Variants in MEP1A observed in about 807,000 individuals in gnomAD.
MEP1A encodes meprin A subunit alpha.
In MEP1A, 68 loss-of-function variants were observed where a neutral mutation model predicts 84.5. The ratio of observed to expected loss-of-function variants is 0.80; its 90% confidence interval spans 0.66 to 0.98. The LOEUF (loss-of-function observed/expected upper bound fraction) is 0.98, where lower values mean the gene tolerates loss of function less well. Ranked by LOEUF, MEP1A falls within the 50% of genes least tolerant of loss-of-function variation. The pLI is 0.00. For synonymous variants in MEP1A, 337 were observed against 336.8 expected (o/e 1.00, Z -0.01); for missense variants, 887 against 919.9 (o/e 0.96, Z 0.46).
At chr6:46,830,344 A>T (rs1357175779) in intron 10 of MEP1A, among the ~76,000 whole-genome samples, 1 of 151,960 alleles carries the variant, frequency 6.6e-6, no homozygotes, top group African/African-American at 2.4e-5. Flanking sequence ...AATATGCTGA[A>T]GTAACTTGAA....
intron 7 of MEP1A, among the ~76,000 whole-genome samples, chr6:46,824,893 T>TTA (rs1207625916): frequency 7.6e-5 from 4 of 52,292 alleles, no homozygotes; most frequent in Non-Finnish European, 8.6e-5. Flanking sequence ...TATATATAAA[T>TTA]TATATATATA....
chr6:46,809,589 A>T, intron 6 of MEP1A, 52 bp downstream of exon 6: 1 of 1,237,844 alleles, frequency 8.1e-7, no homozygotes, highest in Non-Finnish European at 1.2e-6. Flanking sequence ...GGTTCGTAAG[A>T]AGTATTCTTT....
intron 5 of MEP1A, among the ~76,000 whole-genome samples, chr6:46,805,848 C>G (rs1427279578): frequency 6.6e-6 from 1 of 151,890 alleles, no homozygotes; most frequent in Non-Finnish European, 1.5e-5. Flanking sequence ...ATTATTTGCT[C>G]AAATATTTTT....
chr6:46,799,203 T>A, intron 5 of MEP1A, 22 bp downstream of exon 5: 1 of 1,525,962 alleles, frequency 6.6e-7, no homozygotes. Context: ...TGTTCTTAAT[T>A]AGGAAGTTTC....
intron 12 of MEP1A, 76 bp from the exon 13 acceptor site, chr6:46,835,173 C>T (rs1768185548): frequency 7.4e-7 from 1 of 1,343,790 alleles, no homozygotes; most frequent in South Asian, 1.4e-5. Context: ...GGCTGGGGAA[C>T]TTTCACCAGA....
At chr6:46,816,340 A>C (rs1453717181) in intron 6 of MEP1A, among the ~76,000 whole-genome samples, 1 of 152,164 alleles carries the variant, frequency 6.6e-6, no homozygotes, top group Non-Finnish European at 1.5e-5. Context: ...AATATGCAAT[A>C]CGGTCTTAGC....
In MEP1A at chr6:46,807,163, T is replaced by C. The variant is rs561308871; in HGVS notation, c.263-2257T>C. ...GCCATTGGTATCTAAAATTAACTCTTCTCAAAAGAAAAAAAAAGAACAAAT... is the reference window on the plus strand; with the variant it reads ...GCCATTGGTATCTAAAATTAACTCTCCTCAAAAGAAAAAAAAAGAACAAAT... On this transcript the variant is annotated intron_variant, in intron 5 of 13. Coordinates refer to ENST00000230588, the MANE Select transcript of MEP1A (RefSeq NM_005588.3). Among the ~76,000 whole-genome samples, 3 of 151,698 alleles carry C rather than the reference T, an allele frequency of 2.0e-5. No homozygotes were observed. The South Asian group carries it at 6.3e-4, about 32-fold the overall frequency.
chr6:46,802,963 G>A (rs946543788), intron 5 of MEP1A, among the ~76,000 whole-genome samples: 1 of 151,492 alleles, frequency 6.6e-6, no homozygotes, highest in African/African-American at 2.4e-5. Flanking sequence ...AATAGTATAA[G>A]TTTCTAATTT....
At chr6:46,817,512 A>G (rs1236910202) in intron 6 of MEP1A, among the ~76,000 whole-genome samples, 1 of 152,172 alleles carries the variant, frequency 6.6e-6, no homozygotes, top group Non-Finnish European at 1.5e-5. Flanking sequence ...TCCCTTGGCA[A>G]TCTCTGACCT....
intron 4 of MEP1A, 36 bp downstream of exon 4, chr6:46,798,682 G>T (rs765063219): frequency 1.9e-6 from 3 of 1,592,596 alleles, no homozygotes; most frequent in East Asian, 2.2e-5. Flanking sequence ...AGTTTCTCAG[G>T]ACAGGCAGTA....
intron 6 of MEP1A, among the ~76,000 whole-genome samples, chr6:46,814,057 C>T (rs1344702177): frequency 3.3e-5 from 5 of 152,072 alleles, no homozygotes. Flanking sequence ...GATGCATTTC[C>T]CAGGTGTTCT....
intron 8 of MEP1A, 88 bp downstream of exon 8, chr6:46,825,581 C>T: frequency 1.1e-6 from 1 of 939,426 alleles, no homozygotes; most frequent in South Asian, 1.7e-5. Context: ...TTTTCCTTTA[C>T]TCTTCTTTAA....
chr6:46,807,552 GAAA>G, intron 5 of MEP1A, among the ~76,000 whole-genome samples: 1 of 57,772 alleles, frequency 1.7e-5, no homozygotes, highest in South Asian at 7.8e-4. Context: ...AAGAAAGAAA[GAAA>G]GAAAGAAAGA....
the MEP1A span, among the ~76,000 whole-genome samples, chr6:46,845,804 G>T: frequency 2.6e-5 from 4 of 152,278 alleles, no homozygotes; most frequent in East Asian, 7.7e-4. Context: ...TACCAATCTA[G>T]TATCTTTCCC....
chr6:46,823,473 G>A (rs775812336), intron 7 of MEP1A, among the ~76,000 whole-genome samples: 1 of 152,170 alleles, frequency 6.6e-6, no homozygotes, highest in Non-Finnish European at 1.5e-5. Context: ...TTAGCCAGGC[G>A]TGGTGCCACG....
chr6:46,836,958 G>T (rs1444107650), intron 13 of MEP1A, among the ~76,000 whole-genome samples: 3 of 151,980 alleles, frequency 2.0e-5, no homozygotes, highest in African/African-American at 7.3e-5. Context: ...TCATTATCTG[G>T]CCAACAGCAT....
At chr6:46,825,090 A>T (rs1413540736) in intron 7 of MEP1A, among the ~76,000 whole-genome samples, 182 bp from the exon 8 acceptor site, 2 of 126,038 alleles carry the variant, frequency 1.6e-5, no homozygotes, top group African/African-American at 6.3e-5. Context: ...ATATTTATAA[A>T]TTATGTATTT....
At chr6:46,828,437 G>T (rs910489936) in intron 9 of MEP1A, among the ~76,000 whole-genome samples, 7 of 152,202 alleles carry the variant, frequency 4.6e-5, no homozygotes, top group Non-Finnish European at 1.0e-4. Context: ...ACGTGCCTCA[G>T]TGTGAGGCAG....
Position 46,793,670 on chromosome 6 carries a change from T to C in MEP1A, c.99T>C (p.His33=). The change falls in exon 3 of 14, where the codon CAT becomes CAC. Residue 33 remains histidine, a synonymous_variant. Transcript: ENST00000230588. ...PIKYLPEENV[H]DADFGEQKDI... is the part of the protein sequence containing the mutation. ...TTTTTTTCTCACTTTTAACAGTACA[T>C]GATGCAGATTTTGGTGAACAGAAGG... 1.2e-6 allele frequency: 2 copies of C among 1,610,506 alleles called. No homozygotes were observed. The highest frequency in any genetic ancestry group is 1.7e-4 in the Middle Eastern group (1 of 6,026).
Sources: allele counts gnomAD v4.1 joint callset (sites outside exome capture counted in the v4.1 genomes callset), GRCh38; gene constraint gnomAD v4.1.1; transcripts MANE v1.5; gene names NCBI Gene and HGNC (gene_info 2026-07-23, HGNC 2026-07-21).